The following MSI2 variants were observed in gnomAD, a reference collection of about 807,000 sequenced individuals.
MSI2 encodes RNA-binding protein Musashi homolog 2.
A neutral mutation model predicts 45.6 loss-of-function variants in MSI2; 17 were observed. The observed-to-expected ratio is 0.37, with a 90% CI of 0.26 to 0.56. The LOEUF (loss-of-function observed/expected upper bound fraction) is 0.56. MSI2 is among the 20% of genes least tolerant of loss of function. The probability of loss-of-function intolerance (pLI) is 0.77; values close to 1 mark genes in which losing one functional copy is unlikely to be tolerated. For synonymous variants in MSI2, 156 were observed against 158.2 expected (o/e 0.99, Z 0.11); for missense variants, 293 against 444.2 (o/e 0.66, Z 3.06).
chr17:57,434,433 T>C (rs1198763528), intron 6 of MSI2, among the ~76,000 whole-genome samples: 1 of 152,206 alleles, frequency 6.6e-6, no homozygotes, highest in African/African-American at 2.4e-5. Context: ...CATTACCTTA[T>C]GATTAACTAT....
intron 8 of MSI2, among the ~76,000 whole-genome samples, chr17:57,605,748 C>G (rs908005883): frequency 3.9e-5 from 6 of 152,232 alleles, no homozygotes; most frequent in Non-Finnish European, 5.9e-5. Context: ...GTCCCTGGTT[C>G]TTCCTTTGCC....
intron 11 of MSI2, among the ~76,000 whole-genome samples, chr17:57,668,225 C>A (rs1439664982): frequency 6.6e-6 from 1 of 152,040 alleles, no homozygotes; most frequent in Non-Finnish European, 1.5e-5. Flanking sequence ...TTTCTCAGGT[C>A]GGTTCTGGGT....
At chr17:57,489,492 T>C (rs778258032) in intron 6 of MSI2, among the ~76,000 whole-genome samples, 1 of 152,134 alleles carries the variant, frequency 6.6e-6, no homozygotes, top group Non-Finnish European at 1.5e-5. Context: ...ACCATGAGCT[T>C]TGGAATTCCA....
Position 57,277,053 on chromosome 17 carries a change from CTTTTT to C in MSI2, c.312+14877_312+14881del, listed in dbSNP as rs34561938. Among the ~76,000 whole-genome samples, 17 of 124,984 alleles carry C rather than the reference CTTTTT, an allele frequency of 1.4e-4. No individual in the cohort carries two copies. In the East Asian group the frequency reaches 3.6e-3, roughly 27 times the overall value. The allele number at this position is 124,984 out of a possible 152,430, so 82.0% of individuals were successfully genotyped here. Reference sequence around the variant, plus strand: ...TGGGGGTTTGGGTTGGTTTTCTTTTCTTTTTTTTTTTTTTTTTTTTGAGACAAAAT... The same window carrying C: ...TGGGGGTTTGGGTTGGTTTTCTTTTCTTTTTTTTTTTTTTTGAGACAAAAT... On this transcript the variant is annotated intron_variant, in intron 5 of 13. Transcript: ENST00000284073.
chr17:57,507,026 G>A (rs1471558931), intron 6 of MSI2, among the ~76,000 whole-genome samples: 2 of 152,014 alleles, frequency 1.3e-5, no homozygotes, highest in Non-Finnish European at 2.9e-5. Flanking sequence ...ACATTGACAT[G>A]GTGAATGTTT....
chr17:57,491,919 G>A (rs955307921), intron 6 of MSI2, among the ~76,000 whole-genome samples: 2 of 152,096 alleles, frequency 1.3e-5, no homozygotes, highest in Non-Finnish European at 2.9e-5. Flanking sequence ...TACTCTGAAA[G>A]TCATTTTGTA....
intron 5 of MSI2, among the ~76,000 whole-genome samples, chr17:57,335,202 A>G (rs553686768): frequency 0.041 from 6,203 of 152,200 alleles, 134 homozygotes; most frequent in African/African-American, 0.044. Context: ...GAAGCCAGCA[A>G]GTATGAATTG....
chr17:57,544,301 T>G (rs919449999), intron 7 of MSI2, among the ~76,000 whole-genome samples: 2 of 152,244 alleles, frequency 1.3e-5, no homozygotes, highest in African/African-American at 4.8e-5. Flanking sequence ...AGTGTGGGAC[T>G]AATTAAAATC....
intron 5 of MSI2, among the ~76,000 whole-genome samples, chr17:57,368,934 T>C (rs560055135): frequency 5.3e-5 from 8 of 152,302 alleles, no homozygotes; most frequent in Non-Finnish European, 1.0e-4. Flanking sequence ...GCCTGAAATA[T>C]CAGTGTGTCA....
Position 57,652,274 on chromosome 17 carries a change from A to C in MSI2, c.790+113A>C. The C allele has an allele frequency of 9.3e-7, 1 of 1,070,458 alleles. No individual in the cohort carries two copies. The highest frequency in any genetic ancestry group is 1.4e-6 in the Non-Finnish European group (1 of 723,500). 66.3% of individuals were successfully genotyped at this position (1,070,458 alleles called of 1,614,324 possible). On this transcript the variant is annotated intron_variant, in intron 11 of 13. Transcript: ENST00000284073. The surrounding 1 kb of genome is among the most constrained non-coding windows in gnomAD (Gnocchi z 4.1). ...ATCTGTCCAACACCACTCTCACCAC[A>C]GCCCCGGGGAGGGGGTGGACGGGGA...
chr17:57,345,229 A>G (rs1915506759), intron 5 of MSI2, among the ~76,000 whole-genome samples: 1 of 152,082 alleles, frequency 6.6e-6, no homozygotes. Context: ...CACTGTGGTT[A>G]TGGTTTGCTG....
chr17:57,676,250 GCA>G (rs1351823089), intron 12 of MSI2, among the ~76,000 whole-genome samples: 1 of 151,910 alleles, frequency 6.6e-6, no homozygotes, highest in Non-Finnish European at 1.5e-5. Flanking sequence ...ATGCACACAC[GCA>G]CACAGACATG....
At chr17:57,633,018 C>T (rs1175543574) in intron 10 of MSI2, 1 of 1,044,700 alleles carries the variant, frequency 9.6e-7, no homozygotes, top group Non-Finnish European at 1.2e-6. Flanking sequence ...CTATGAATTG[C>T]TTTGCTTTGG....
In MSI2 at chr17:57,627,477, T is replaced by G; in HGVS notation, c.727+174T>G. 1 of 642,762 alleles carries G rather than the reference T, an allele frequency of 1.6e-6. No individual in the cohort carries two copies. Among genetic ancestry groups the G allele is most frequent in the Non-Finnish European group, 2.8e-6 (1 of 359,230 alleles). The allele number at this position is 642,762 out of a possible 1,614,324, so 39.8% of individuals were successfully genotyped here. On this transcript the variant is annotated intron_variant, in intron 10 of 13. Coordinates refer to ENST00000284073, the MANE Select transcript of MSI2 (RefSeq NM_138962.4). The surrounding 1 kb of genome is among the most constrained non-coding windows in gnomAD (Gnocchi z 4.6). The stretch of plus-strand genomic sequence containing the variant: ...TCAAGGCCAGGATGCAGCTCAGAGT[T>G]TTTGATTAACTCAGGTATAACTCAC...
intron 6 of MSI2, among the ~76,000 whole-genome samples, chr17:57,473,429 C>T (rs1232763101): frequency 6.6e-6 from 1 of 151,762 alleles, no homozygotes; most frequent in Admixed American, 6.6e-5. Context: ...GGATCTGATC[C>T]AGCCCAGAGC....
intron 10 of MSI2, chr17:57,632,204 A>G: frequency 1.8e-6 from 2 of 1,136,352 alleles, no homozygotes; most frequent in East Asian, 4.4e-5. Context: ...CTTGTTGGGG[A>G]CATATCATGG....
intron 11 of MSI2, among the ~76,000 whole-genome samples, chr17:57,660,237 G>A (rs543027480): frequency 1.4e-4 from 22 of 152,294 alleles, no homozygotes; most frequent in South Asian, 4.1e-4. Context: ...GCATCATACC[G>A]TCCTGTCCAG....
At chr17:57,351,980 A>G (rs1461021275) in intron 5 of MSI2, among the ~76,000 whole-genome samples, 2 of 152,238 alleles carry the variant, frequency 1.3e-5, no homozygotes, top group African/African-American at 4.8e-5. Flanking sequence ...GAGAACATAC[A>G]TTGTGTGAAG....
chr17:57,375,854 A>G (rs2083486532), intron 5 of MSI2, among the ~76,000 whole-genome samples: 1 of 152,130 alleles, frequency 6.6e-6, no homozygotes, highest in South Asian at 2.1e-4. Flanking sequence ...CGTTGCCCTT[A>G]CAGGTAGATG....
Sources: allele counts gnomAD v4.1 joint callset (sites outside exome capture counted in the v4.1 genomes callset), GRCh38; gene constraint gnomAD v4.1.1; non-coding constraint Gnocchi (gnomAD v3.1); transcripts MANE v1.5; gene names NCBI Gene and HGNC (gene_info 2026-07-23, HGNC 2026-07-21).